F5: variants seen among roughly 807,000 people sequenced by gnomAD.
F5 encodes the protein activated protein c cofactor.
Under a neutral mutation model 216.4 loss-of-function variants are expected in F5, and 138 were observed. That is an observed-to-expected ratio of 0.64 (90% CI 0.56 to 0.73). The LOEUF (loss-of-function observed/expected upper bound fraction) is 0.73. F5 is among the 30% of genes least tolerant of loss of function. The pLI is 0.00. For synonymous variants in F5, 916 were observed against 930.7 expected, an observed-to-expected ratio of 0.98 and a Z score of 0.29; for missense variants, 2,403 against 2,674.0, an observed-to-expected ratio of 0.90 and a Z score of 2.24.
In F5 at chr1:169,541,240, T is replaced by G. The variant is rs1571573570; in HGVS notation, c.3850A>C (p.Thr1284Pro). Residue 1284 changes from threonine to proline, a missense_variant, in exon 13 of 25, where the codon ACC (threonine) becomes CCC (proline). Thr to Pro is a conservative substitution (Grantham distance 38). Transcript: ENST00000367797. Reference protein sequence around the residue: ...MPLSPDLSHTTLSLDFSQTNL... With the variant: ...MPLSPDLSHTPLSLDFSQTNL... ...GTCTGGCTGAAGTCTAGAGAAAGGGTTGTATGGCTGAGGTCTGGAGAAAGG... is the reference window on the plus strand; with the variant it reads ...GTCTGGCTGAAGTCTAGAGAAAGGGGTGTATGGCTGAGGTCTGGAGAAAGG... The G allele has an allele frequency of 6.3e-7, 1 of 1,584,782 alleles. No homozygotes were observed. The highest frequency in any genetic ancestry group is 8.6e-7 in the Non-Finnish European group (1 of 1,163,540).
Position 169,547,367 on chromosome 1 carries a change from C to T in F5, c.1612-775G>A, listed in dbSNP as rs184003948. ...GGGATTTAATTGAAATAAAGAGCTCCTGCACAGCAAAAGAAACTATCAAGA... is the reference window on the plus strand; with the variant it reads ...GGGATTTAATTGAAATAAAGAGCTCTTGCACAGCAAAAGAAACTATCAAGA... On this transcript the variant is annotated intron_variant, in intron 10 of 24. Transcript: ENST00000367797. 8.5e-5 allele frequency among the ~76,000 whole-genome samples: 13 copies of T among 152,228 alleles called. No homozygotes were observed. In the South Asian group the frequency reaches 1.2e-3, roughly 15 times the overall value.
intron 10 of F5, among the ~76,000 whole-genome samples, chr1:169,548,670 C>A (rs889321808): frequency 1.3e-5 from 2 of 152,140 alleles, no homozygotes; most frequent in South Asian, 4.1e-4. Flanking sequence ...GAGTTCGAGA[C>A]CAGCCTAGCC....
chr1:169,558,361 T>C (rs1366578114), intron 5 of F5, among the ~76,000 whole-genome samples: 1 of 152,218 alleles, frequency 6.6e-6, no homozygotes, highest in African/African-American at 2.4e-5. Context: ...TGAAATAGAA[T>C]ACAATTTAAA....
rs1241733637 is a variant in F5, at chr1:169,571,699, T to G, written c.373+522A>C. ...AATAAAATTGTATTGTCAGAGGCGG[T>G]CTTACTCTGGTGTATGACTTGAGGG... On this transcript the variant is annotated intron_variant, in intron 3 of 24. Coordinates refer to ENST00000367797, the MANE Select transcript of F5 (RefSeq NM_000130.5). Among the ~76,000 whole-genome samples, 3 of 152,072 alleles carry G rather than the reference T, an allele frequency of 2.0e-5. No homozygotes were observed. The East Asian group carries it at 5.8e-4, about 29-fold the overall frequency.
intron 3 of F5, among the ~76,000 whole-genome samples, chr1:169,571,749 T>C (rs1660728238): frequency 6.6e-6 from 1 of 152,132 alleles, no homozygotes; most frequent in Non-Finnish European, 1.5e-5. Context: ...CAAAGTTAAT[T>C]AGTTCTGGCA....
intron 14 of F5, among the ~76,000 whole-genome samples, chr1:169,535,448 T>A (rs1401008317): frequency 2.0e-5 from 3 of 152,162 alleles, no homozygotes; most frequent in Non-Finnish European, 4.4e-5. Context: ...ATGGATGAAT[T>A]GTATAGTGGT....
chr1:169,523,932 T>A, intron 19 of F5, 28 bp from the exon 20 acceptor site: 1 of 1,581,882 alleles, frequency 6.3e-7, no homozygotes, highest in Non-Finnish European at 8.7e-7. Flanking sequence ...AAAAGATTTA[T>A]TCTGAATTTT....
chr1:169,522,848 G>A (rs548174798), intron 21 of F5, among the ~76,000 whole-genome samples: 3 of 152,282 alleles, frequency 2.0e-5, no homozygotes, highest in African/African-American at 7.2e-5. Flanking sequence ...AAAATCAAAA[G>A]TCTTGGTAGC....
intron 9 of F5, 52 bp from the exon 10 acceptor site, chr1:169,550,067 T>TAATA (rs769040551): frequency 7.4e-7 from 1 of 1,354,198 alleles, no homozygotes; most frequent in Non-Finnish European, 1.1e-6. Context: ...TATTTCATGA[T>TAATA]AATAAATAAA....
At chr1:169,551,108 T>C (rs1240917852) in intron 8 of F5, among the ~76,000 whole-genome samples, 1 of 152,126 alleles carries the variant, frequency 6.6e-6, no homozygotes, top group African/African-American at 2.4e-5. Context: ...CTCTAGACCA[T>C]GATCCCCTTC....
chr1:169,575,594 T>C (rs1335121426), intron 2 of F5, among the ~76,000 whole-genome samples: 1 of 151,954 alleles, frequency 6.6e-6, no homozygotes, highest in South Asian at 2.1e-4. Context: ...GATGAGATGA[T>C]GAGGAGAGAA....
At position 169,550,954 on chromosome 1, in the gene F5, A is replaced by C. The variant is rs1049200124; in HGVS notation, c.1297-215T>G. On this transcript the variant is annotated intron_variant, in intron 8 of 24. Transcript: ENST00000367797. ...GTTTCACTCACACATTAAGGTGGAA[A>C]ATGGAAAGAGAAGTCTGACTTTAGA... 2.0e-5 allele frequency among the ~76,000 whole-genome samples: 3 copies of C among 152,126 alleles called. No homozygotes were observed. In the East Asian group the frequency reaches 5.8e-4, roughly 29 times the overall value.
Position 169,559,255 on chromosome 1 carries a change from G to C in F5, c.628C>G (p.Gln210Glu). 6.2e-7 allele frequency: 1 copy of C among 1,613,766 alleles called. No homozygotes were observed. The highest frequency in any genetic ancestry group is 1.7e-5 in the Admixed American group (1 of 59,986). Residue 210 changes from glutamine to glutamate, a missense_variant, in exon 5 of 25, where the codon CAA (glutamine) becomes GAA (glutamate). This residue lies in a region of F5 where 1,425 missense variants were observed against 1,554.8 expected (regional missense o/e 0.92). Coordinates refer to ENST00000367797, the MANE Select transcript of F5 (RefSeq NM_000130.5). Reference protein sequence around the residue: ...EGGTQKTFDKQIVLLFAVFDE... With the variant: ...EGGTQKTFDKEIVLLFAVFDE... ...AACACAGCAAATAGTAGCACGATTT[G>C]CTTGTCAAACGTCTTCTGTGTCCCA...
intron 3 of F5, among the ~76,000 whole-genome samples, chr1:169,564,826 A>ATG (rs1280272749): frequency 2.0e-5 from 3 of 152,084 alleles, no homozygotes; most frequent in African/African-American, 7.2e-5. Flanking sequence ...CATCCATTCA[A>ATG]TAGCAATGAA....
chr1:169,558,542 A>G (rs1343575419), intron 5 of F5, among the ~76,000 whole-genome samples: 3 of 152,176 alleles, frequency 2.0e-5, no homozygotes, highest in Non-Finnish European at 4.4e-5. Context: ...TCAGGCTAGT[A>G]TCATATACCC....
intron 4 of F5, 50 bp from the exon 5 acceptor site, chr1:169,559,346 C>G: frequency 1.9e-6 from 3 of 1,596,058 alleles, no homozygotes; most frequent in Non-Finnish European, 2.6e-6. Context: ...AGAAGACGCT[C>G]ATTAGCTTTC....
Position 169,550,880 on chromosome 1 carries a change from T to C in F5, c.1297-141A>G, listed in dbSNP as rs1571582715. The C allele has an allele frequency of 5.9e-6, 4 of 673,396 alleles. No homozygotes were observed. The East Asian group carries it at 1.1e-4, about 19-fold the overall frequency. 41.7% of individuals were successfully genotyped at this position (673,396 alleles called of 1,614,324 possible). A position where few individuals can be genotyped will look rare whatever the true frequency, so the allele number is the denominator to read the frequency against. On this transcript the variant is annotated intron_variant, in intron 8 of 24. Transcript: ENST00000367797. ...ACAGTAGGAAAATTAGATCTGTTTA[T>C]CTGAGCAGTAACCTCCCCTCATCAC...
chr1:169,539,848 A>C (rs966381774), intron 13 of F5, among the ~76,000 whole-genome samples: 14 of 152,192 alleles, frequency 9.2e-5, no homozygotes, highest in Admixed American at 8.5e-4. Context: ...ATATTCTTTT[A>C]AAAAAGGGAT....
At chr1:169,527,812 C>G in intron 17 of F5, 103 bp downstream of exon 17, 2 of 1,434,328 alleles carry the variant, frequency 1.4e-6, no homozygotes, top group Non-Finnish European at 9.6e-7. Flanking sequence ...TGTGTTCTGA[C>G]CCCTTAGGAA....
Sources: allele counts gnomAD v4.1 joint callset (sites outside exome capture counted in the v4.1 genomes callset), GRCh38; gene constraint gnomAD v4.1.1; regional missense constraint gnomAD v4.1.1; transcripts MANE v1.5; gene names NCBI Gene and HGNC (gene_info 2026-07-23, HGNC 2026-07-21).